The following HMG20A variants were observed in gnomAD, a reference collection of about 807,000 sequenced individuals.
HMG20A encodes the protein high mobility group protein 20A.
In HMG20A, 17 loss-of-function variants were observed where a neutral mutation model predicts 43.9. That is an observed-to-expected ratio of 0.39 (90% CI 0.27 to 0.58). HMG20A has a LOEUF of 0.58. HMG20A is among the 20% of genes least tolerant of loss of function. The probability of loss-of-function intolerance (pLI) is 0.59; values close to 1 mark genes in which losing one functional copy is unlikely to be tolerated. For synonymous variants in HMG20A, 132 were observed against 147.5 expected, an observed-to-expected ratio of 0.89 and a Z score of 0.76; for missense variants, 341 against 438.2, an observed-to-expected ratio of 0.78 and a Z score of 1.98.
At chr15:77,476,960 C>T (rs951265406) in intron 6 of HMG20A, among the ~76,000 whole-genome samples, 2 of 152,004 alleles carry the variant, frequency 1.3e-5, no homozygotes, top group African/African-American at 2.4e-5. Context: ...TCTGATTTCT[C>T]GGTCTCATGT....
intron 1 of HMG20A, among the ~76,000 whole-genome samples, chr15:77,431,734 A>G (rs1293809601): frequency 1.3e-5 from 2 of 152,172 alleles, no homozygotes; most frequent in African/African-American, 4.8e-5. Flanking sequence ...TGTACAATAG[A>G]TATCTCAAAC....
In HMG20A at chr15:77,463,449, C is replaced by T. The variant is rs1035799950; in HGVS notation, c.90-791C>T. 2.0e-5 allele frequency among the ~76,000 whole-genome samples: 3 copies of T among 152,168 alleles called. No homozygotes were observed. The South Asian group carries it at 6.2e-4, about 32-fold the overall frequency. On this transcript the variant is annotated intron_variant, in intron 2 of 9. Transcript: ENST00000336216. Reference sequence around the variant, plus strand: ...CTCTATTATCCATCTTTCTACCGCTCTTGACTTCCCAACTCCTCCCTCGAT... The same window carrying T: ...CTCTATTATCCATCTTTCTACCGCTTTTGACTTCCCAACTCCTCCCTCGAT...
At chr15:77,472,218 A>G (rs2072815784) in intron 6 of HMG20A, among the ~76,000 whole-genome samples, 1 of 152,218 alleles carries the variant, frequency 6.6e-6, no homozygotes, top group Admixed American at 6.5e-5. Context: ...CGAACTGTTC[A>G]ACTACAATGT....
rs769622956 is a variant in HMG20A at position 77,477,646 on chromosome 15, T to C, written c.691+16T>C. 3.8e-6 allele frequency: 6 copies of C among 1,562,122 alleles called. No individual in the cohort carries two copies. The South Asian group carries it at 6.9e-5, about 18-fold the overall frequency. ...CATAGCAAAGGTGATTACTGAAGTT[T>C]CTTTTTGTGTTTCTCAGATTTTTGA... is the stretch of plus-strand genomic sequence containing the variant. On this transcript the variant is annotated intron_variant, in intron 7 of 9. Coordinates refer to ENST00000336216, the MANE Select transcript of HMG20A (RefSeq NM_001304504.2).
At chr15:77,510,913 T>C in the HMG20A span, among the ~76,000 whole-genome samples, 3 of 152,248 alleles carry the variant, frequency 2.0e-5, no homozygotes, top group African/African-American at 7.2e-5. Flanking sequence ...TCCAGCCCTG[T>C]ACTTGCTTGC....
chr15:77,458,847 A>C (rs1384241032), intron 2 of HMG20A, among the ~76,000 whole-genome samples: 1 of 152,230 alleles, frequency 6.6e-6, no homozygotes, highest in Non-Finnish European at 1.5e-5. Flanking sequence ...ATATTAAAAT[A>C]GTTTTTTCCC....
chr15:77,430,782 T>C lies in HMG20A; in HGVS notation c.-5+9778T>C, dbSNP rs8033877. 1.0e-2 allele frequency among the ~76,000 whole-genome samples: 1,522 copies of C among 152,316 alleles called. 31 individuals are homozygous for C. Among genetic ancestry groups the C allele is most frequent in the African/African-American group, 0.035 (1,455 of 41,556 alleles). On this transcript the variant is annotated intron_variant, in intron 1 of 9. Coordinates refer to ENST00000336216, the MANE Select transcript of HMG20A (RefSeq NM_001304504.2). The stretch of plus-strand genomic sequence containing the variant: ...AGTCTAGAACTGTAAGAAAGTTAAT[T>C]TGTATTGCTTTAAGCCAATAGCTTT...
intron 6 of HMG20A, among the ~76,000 whole-genome samples, chr15:77,472,243 C>T (rs1252135748): frequency 3.3e-5 from 5 of 152,098 alleles, no homozygotes; most frequent in South Asian, 2.1e-4. Flanking sequence ...AGAGCACAAG[C>T]GACAGTATCT....
the HMG20A span, among the ~76,000 whole-genome samples, chr15:77,504,594 G>T: frequency 6.6e-5 from 10 of 152,246 alleles, no homozygotes; most frequent in Non-Finnish European, 1.3e-4. Flanking sequence ...ACTGGGGAAA[G>T]CTTTGTACAC....
At chr15:77,508,017 T>C in the HMG20A span, among the ~76,000 whole-genome samples, 1 of 151,646 alleles carries the variant, frequency 6.6e-6, no homozygotes, top group Admixed American at 6.6e-5. Flanking sequence ...AAGAAGCAAG[T>C]AGCCCGCTGC....
downstream of HMG20A, among the ~76,000 whole-genome samples, chr15:77,490,529 T>C (rs911423307): frequency 6.6e-6 from 1 of 152,094 alleles, no homozygotes. Flanking sequence ...AAAAGAAGAA[T>C]GACTCAGTTT....
chr15:77,512,641 G>A, the HMG20A span, among the ~76,000 whole-genome samples: 1 of 152,048 alleles, frequency 6.6e-6, no homozygotes, highest in East Asian at 1.9e-4. Context: ...ATGGAATTAG[G>A]AAATCACATT....
chr15:77,442,318 T>C (rs546167775), intron 1 of HMG20A, among the ~76,000 whole-genome samples: 1 of 152,310 alleles, frequency 6.6e-6, no homozygotes, highest in Admixed American at 6.5e-5. Flanking sequence ...GTGGAGATAT[T>C]CAATAAGGAA....
intron 2 of HMG20A, among the ~76,000 whole-genome samples, chr15:77,459,319 C>T (rs1334487750): frequency 6.6e-6 from 1 of 152,186 alleles, no homozygotes; most frequent in Admixed American, 6.5e-5. Context: ...TAAAAACTTT[C>T]TGAGTATCTG....
chr15:77,516,249 G>A, the HMG20A span, among the ~76,000 whole-genome samples: 2 of 152,170 alleles, frequency 1.3e-5, no homozygotes, highest in Non-Finnish European at 2.9e-5. Flanking sequence ...CACAGTCATC[G>A]CTGGCAACGA....
intron 1 of HMG20A, among the ~76,000 whole-genome samples, chr15:77,422,322 C>T (rs1343405795): frequency 6.6e-6 from 1 of 152,068 alleles, no homozygotes; most frequent in Non-Finnish European, 1.5e-5. Context: ...TATTTTAATT[C>T]TATAATAGTT....
At chr15:77,490,851 T>C in the HMG20A span, among the ~76,000 whole-genome samples, 1 of 152,144 alleles carries the variant, frequency 6.6e-6, no homozygotes, top group Non-Finnish European at 1.5e-5. Flanking sequence ...ATCTCCCTGC[T>C]ATCAGTTAAA....
chr15:77,477,842 A>C (rs545221484), intron 7 of HMG20A, among the ~76,000 whole-genome samples: 1 of 152,186 alleles, frequency 6.6e-6, no homozygotes, highest in Non-Finnish European at 1.5e-5. Flanking sequence ...CTTGTCTTCA[A>C]ACTCTTAGCC....
chr15:77,436,884 A>G (rs2142286238), intron 1 of HMG20A, among the ~76,000 whole-genome samples: 1 of 152,230 alleles, frequency 6.6e-6, no homozygotes, highest in African/African-American at 2.4e-5. Context: ...TTACTCTTAT[A>G]CTTTGGGGAA....
Sources: allele counts gnomAD v4.1 joint callset (sites outside exome capture counted in the v4.1 genomes callset), GRCh38; gene constraint gnomAD v4.1.1; transcripts MANE v1.5; gene names NCBI Gene and HGNC (gene_info 2026-07-23, HGNC 2026-07-21).